Variants in GFPT2 observed in about 807,000 individuals in gnomAD.
GFPT2 encodes the protein glutamine--fructose-6-phosphate aminotransferase [isomerizing] 2.
A neutral mutation model predicts 85.6 loss-of-function variants in GFPT2; 62 were observed. The observed-to-expected ratio is 0.72, with a 90% CI of 0.59 to 0.90. The LOEUF (loss-of-function observed/expected upper bound fraction) is 0.90, where lower values mean the gene tolerates loss of function less well. Ranked by LOEUF, GFPT2 falls within the 40% of genes least tolerant of loss-of-function variation. The probability of loss-of-function intolerance (pLI) is 0.00; values close to 1 mark genes in which losing one functional copy is unlikely to be tolerated. For missense variants in GFPT2, 788 were observed against 893.4 expected (o/e 0.88, Z 1.50); for synonymous variants, 368 against 344.5 (o/e 1.07, Z -0.75).
chr5:180,305,934 C>T (rs914056559), intron 16 of GFPT2, among the ~76,000 whole-genome samples: 20 of 151,818 alleles, frequency 1.3e-4, no homozygotes, highest in African/African-American at 3.4e-4. Flanking sequence ...TGAATGTTTC[C>T]GGTAACCACT....
intron 1 of GFPT2, among the ~76,000 whole-genome samples, chr5:180,348,238 G>T (rs1345233642): frequency 6.6e-6 from 1 of 152,230 alleles, no homozygotes; most frequent in African/African-American, 2.4e-5. Context: ...TTGAATGTCT[G>T]CCTCAATGAG....
intron 16 of GFPT2, among the ~76,000 whole-genome samples, chr5:180,306,627 G>A (rs538236288): frequency 2.8e-4 from 42 of 152,126 alleles, no homozygotes; most frequent in Non-Finnish European, 5.7e-4. Context: ...CAAGGCCTTC[G>A]AAGTTAATTC....
At chr5:180,317,461 T>C (rs1469649437) in intron 10 of GFPT2, among the ~76,000 whole-genome samples, 1 of 152,050 alleles carries the variant, frequency 6.6e-6, no homozygotes, top group Admixed American at 6.6e-5. Context: ...CTGGTTTCCG[T>C]AATAAAAACC....
chr5:180,336,830 C>G (rs576026479), intron 2 of GFPT2, among the ~76,000 whole-genome samples: 1 of 152,360 alleles, frequency 6.6e-6, no homozygotes, highest in Admixed American at 6.5e-5. Flanking sequence ...CTAGGGTGAG[C>G]CCCTCGGGAC....
intron 7 of GFPT2, among the ~76,000 whole-genome samples, chr5:180,327,225 G>A (rs903405243): frequency 5.3e-5 from 8 of 152,250 alleles, no homozygotes; most frequent in South Asian, 2.1e-4. Context: ...ATTTAGAGCC[G>A]GCCTCTGTCC....
intron 17 of GFPT2, 130 bp from the exon 18 acceptor site, chr5:180,302,714 G>A (rs1243206134): frequency 1.5e-6 from 1 of 674,834 alleles, no homozygotes; most frequent in Admixed American, 2.6e-5. Context: ...GGAGTCATGG[G>A]TGAGGTGGTA....
In GFPT2 at chr5:180,328,833, C is replaced by G. The variant is rs566923802; in HGVS notation, c.535-495G>C. The stretch of plus-strand genomic sequence containing the variant: ...TCCTCATCGGTGAAGGAAGTGAGAA[C>G]AGCGCCACCTGGCGGGGCTTCCGTG... On this transcript the variant is annotated intron_variant, in intron 6 of 18. Coordinates refer to ENST00000253778, the MANE Select transcript of GFPT2 (RefSeq NM_005110.4). The surrounding 1 kb of genome is among the most constrained non-coding windows in gnomAD (Gnocchi z 5.4). 2.0e-5 allele frequency among the ~76,000 whole-genome samples: 3 copies of G among 152,342 alleles called. No individual in the cohort carries two copies. In the South Asian group the frequency reaches 6.2e-4, roughly 32 times the overall value.
chr5:180,313,816 G>T lies in GFPT2; in HGVS notation c.1422C>A (p.Ala474=). The change falls in exon 14 of 19, where the codon GCC becomes GCA. Residue 474 remains alanine, a synonymous_variant. Coordinates refer to ENST00000253778, the MANE Select transcript of GFPT2 (RefSeq NM_005110.4). ...HINAGPEIGV[A]STKAYTSQFI... ...CCGTGGCTCCTCCTACCTTGGTGCT[G>T]GCCACGCCGATCTCCGGCCCTGCGT... The T allele has an allele frequency of 2.6e-6, 4 of 1,559,220 alleles. No individual in the cohort carries two copies. Among genetic ancestry groups the T allele is most frequent in the Non-Finnish European group, 3.5e-6 (4 of 1,156,708 alleles).
At chr5:180,302,678 G>A (rs1401832731) in intron 17 of GFPT2, 94 bp from the exon 18 acceptor site, 16 of 969,662 alleles carry the variant, frequency 1.7e-5, no homozygotes, top group Middle Eastern at 2.2e-4. Flanking sequence ...TTACTGTGAT[G>A]AGAACAGTCC....
At chr5:180,325,079 C>A (rs1432323485) in intron 7 of GFPT2, among the ~76,000 whole-genome samples, 184 bp from the exon 8 acceptor site, 1 of 152,186 alleles carries the variant, frequency 6.6e-6, no homozygotes, top group African/African-American at 2.4e-5. Context: ...AGTCCCAGGT[C>A]CCTGACTTGG....
At position 180,331,920 on chromosome 5, in the gene GFPT2, A is replaced by G. The variant is rs78059834; in HGVS notation, c.341-367T>C. Among the ~76,000 whole-genome samples the G allele has an allele frequency of 5.3e-3, 803 of 152,326 alleles. 28 individuals are homozygous for G. The South Asian group carries it at 0.092, about 17-fold the overall frequency. Reference sequence around the variant, plus strand: ...GGGGATGATGAGCCCTTCGTTCCAGAAGTGATTCCAGGCACTCTCAACTGG... The same window carrying G: ...GGGGATGATGAGCCCTTCGTTCCAGGAGTGATTCCAGGCACTCTCAACTGG... On this transcript the variant is annotated intron_variant, in intron 4 of 18. Coordinates refer to ENST00000253778, the MANE Select transcript of GFPT2 (RefSeq NM_005110.4).
At chr5:180,319,201 C>A (rs961779455) in intron 9 of GFPT2, among the ~76,000 whole-genome samples, 1 of 152,234 alleles carries the variant, frequency 6.6e-6, no homozygotes, top group Non-Finnish European at 1.5e-5. Context: ...AAACACTTTA[C>A]CATAGAGCTC....
intron 1 of GFPT2, among the ~76,000 whole-genome samples, chr5:180,341,621 T>C (rs778397907): frequency 1.3e-5 from 2 of 152,208 alleles, no homozygotes; most frequent in African/African-American, 2.4e-5. Context: ...TATAAAAATA[T>C]GTACACTATG....
chr5:180,304,637 G>GC, intron 17 of GFPT2, 135 bp downstream of exon 17: 1 of 809,078 alleles, frequency 1.2e-6, no homozygotes, highest in Non-Finnish European at 2.0e-6. Flanking sequence ...CCCACAGGCG[G>GC]CCCGGGGGAG....
chr5:180,306,130 G>T (rs1425284011), intron 16 of GFPT2, among the ~76,000 whole-genome samples: 1 of 152,046 alleles, frequency 6.6e-6, no homozygotes, highest in Admixed American at 6.5e-5. Context: ...GATTACAGGC[G>T]TGCACCACCA....
chr5:180,317,478 G>GCCACACAGGCATTTCCAGGGCTCTGATTT (rs1764032396), intron 10 of GFPT2, among the ~76,000 whole-genome samples: 3 of 151,754 alleles, frequency 2.0e-5, no homozygotes, highest in African/African-American at 7.3e-5. Flanking sequence ...AACCTTTCCA[G>GCCACACAGGCATTTCCAGGGCTCTGATTT]GCCGGGCGCA....
rs1276816644 is a variant in GFPT2 at position 180,323,388 on chromosome 5, A to C, written c.794+800T>G. Among the ~76,000 whole-genome samples, 1 of 152,092 alleles carries C rather than the reference A, an allele frequency of 6.6e-6. No homozygotes were observed. Among genetic ancestry groups the C allele is most frequent in the Admixed American group, 6.5e-5 (1 of 15,272 alleles). The stretch of plus-strand genomic sequence containing the variant: ...CCTCCCTGCCTCACAGCACGGCCCT[A>C]TTAGAGGCTGGTCGGGAAAGAGAAA... On this transcript the variant is annotated intron_variant, in intron 9 of 18. Coordinates refer to ENST00000253778, the MANE Select transcript of GFPT2 (RefSeq NM_005110.4). The surrounding 1 kb of genome is among the most constrained non-coding windows in gnomAD (Gnocchi z 4.0).
chr5:180,329,602 C>T (rs992577846), intron 6 of GFPT2, among the ~76,000 whole-genome samples: 1 of 152,174 alleles, frequency 6.6e-6, no homozygotes. Flanking sequence ...CCTCCAAAAA[C>T]GGGAGTTAGA....
In GFPT2 at chr5:180,323,689, G is replaced by A. The variant is rs1764162472; in HGVS notation, c.794+499C>T. Among the ~76,000 whole-genome samples, 1 of 151,956 alleles carries A rather than the reference G, an allele frequency of 6.6e-6. No homozygotes were observed. The highest frequency in any genetic ancestry group is 2.1e-4 in the South Asian group (1 of 4,788). On this transcript the variant is annotated intron_variant, in intron 9 of 18. Coordinates refer to ENST00000253778, the MANE Select transcript of GFPT2 (RefSeq NM_005110.4). This position sits in a 1 kb window ranked among gnomAD's most constrained non-coding sequence, Gnocchi z 4.0. ...TCAATTGAAAAACTCCCTGTGTCTT[G>A]GCTCTGTCTTTCACAAATGGTCTCA...
Sources: gnomAD v4.1 joint callset for allele counts (sites outside exome capture counted in the v4.1 genomes callset) on GRCh38, gnomAD v4.1.1 for gene constraint, Gnocchi (gnomAD v3.1) non-coding constraint, MANE v1.5 for transcripts, NCBI Gene and HGNC (gene_info 2026-07-23, HGNC 2026-07-21) for gene names.